SLCO5A1: variants seen among roughly 807,000 people sequenced by gnomAD.
SLCO5A1 encodes organic anion transporter polypeptide-related protein 4.
In SLCO5A1, 39 loss-of-function variants were observed where a neutral mutation model predicts 65.1. The observed-to-expected ratio is 0.60, with a 90% CI of 0.46 to 0.78. The LOEUF (loss-of-function observed/expected upper bound fraction) is 0.78. SLCO5A1 is among the 30% of genes least tolerant of loss of function. The pLI is 0.00. For missense variants in SLCO5A1, 1,029 were observed against 1,069.4 expected (o/e 0.96, Z 0.53); for synonymous variants, 438 against 415.7 (o/e 1.05, Z -0.65).
intron 2 of SLCO5A1, among the ~76,000 whole-genome samples, chr8:69,809,427 C>T (rs1820131614): frequency 6.6e-6 from 1 of 151,810 alleles, no homozygotes. Context: ...AATACAATTG[C>T]CAATGAAATG....
intron 6 of SLCO5A1, among the ~76,000 whole-genome samples, chr8:69,683,455 T>C (rs1813867769): frequency 6.6e-6 from 1 of 152,200 alleles, no homozygotes; most frequent in South Asian, 2.1e-4. Context: ...GTGGATATAT[T>C]GTGTAGTAGC....
intron 2 of SLCO5A1, among the ~76,000 whole-genome samples, chr8:69,764,726 T>C (rs927535467): frequency 3.9e-5 from 6 of 152,224 alleles, no homozygotes; most frequent in Non-Finnish European, 7.4e-5. Flanking sequence ...ACAACACTTA[T>C]GTTTCCACCT....
rs1813377387 is a variant in SLCO5A1 at position 69,672,731 on chromosome 8, T to G, written c.*138A>C. The G allele has an allele frequency of 2.2e-6, 2 of 896,452 alleles. No individual in the cohort carries two copies. The highest frequency in any genetic ancestry group is 3.6e-5 in the South Asian group (2 of 54,988). 55.5% of individuals were successfully genotyped at this position (896,452 alleles called of 1,614,324 possible). A position where few individuals can be genotyped will look rare whatever the true frequency, so the allele number is the denominator to read the frequency against. On this transcript the variant is annotated 3_prime_UTR_variant, in exon 10 of 10. Coordinates refer to ENST00000260126, the MANE Select transcript of SLCO5A1 (RefSeq NM_030958.3). ...TCCAGCCCTCAATGAATAGCGGCTGTGTATACTGAGTTTTGTTGGTTTGAG... is the reference window on the plus strand; with the variant it reads ...TCCAGCCCTCAATGAATAGCGGCTGGGTATACTGAGTTTTGTTGGTTTGAG...
chr8:69,725,093 CA>C (rs1563684968), intron 5 of SLCO5A1, among the ~76,000 whole-genome samples: 1 of 152,164 alleles, frequency 6.6e-6, no homozygotes, highest in African/African-American at 2.4e-5. Flanking sequence ...TTTAAAACTT[CA>C]AAAACCCTCT....
intron 4 of SLCO5A1, among the ~76,000 whole-genome samples, chr8:69,744,274 G>A (rs1022038822): frequency 6.6e-6 from 1 of 152,182 alleles, no homozygotes; most frequent in Non-Finnish European, 1.5e-5. Flanking sequence ...ACCACTGAGT[G>A]CGCCAGGCCT....
intron 2 of SLCO5A1, among the ~76,000 whole-genome samples, chr8:69,767,691 A>C (rs1818120525): frequency 6.6e-6 from 1 of 151,882 alleles, no homozygotes; most frequent in Non-Finnish European, 1.5e-5. Flanking sequence ...GGAGTTCGAG[A>C]CCAGCCTGAC....
intron 6 of SLCO5A1, among the ~76,000 whole-genome samples, chr8:69,683,209 C>T (rs1308113061): frequency 2.0e-5 from 3 of 152,098 alleles, no homozygotes; most frequent in East Asian, 3.9e-4. Context: ...AAAGGAAAGG[C>T]GCTCTGTACT....
In SLCO5A1 at chr8:69,832,586, G is replaced by T; in HGVS notation, c.88C>A (p.Pro30Thr). ...AAACTCTTAGACCTGAGGGTCTCCG[G>T]CTCGCACCTCTCTTGGACAGCTTCT... is the stretch of plus-strand genomic sequence containing the variant. ...TAEAVQERCEPETLRSKSLPV... is the reference protein window; with the variant it reads ...TAEAVQERCETETLRSKSLPV... The change falls in exon 2 of 10, where the codon CCG becomes ACG. Residue 30 changes from proline to threonine, a missense_variant. By Grantham distance (38) the Pro-to-Thr change is conservative. This residue lies in a region of SLCO5A1 where 647 missense variants were observed against 647.5 expected (regional missense o/e 1.00). Coordinates refer to ENST00000260126, the MANE Select transcript of SLCO5A1 (RefSeq NM_030958.3). This position sits in a 1 kb window ranked among gnomAD's most constrained non-coding sequence, Gnocchi z 4.5. 6.2e-7 allele frequency: 1 copy of T among 1,612,872 alleles called. No homozygotes were observed. Among genetic ancestry groups the T allele is most frequent in the Non-Finnish European group, 8.5e-7 (1 of 1,179,756 alleles).
At chr8:69,753,651 A>T (rs114384946) in intron 4 of SLCO5A1, among the ~76,000 whole-genome samples, 1,526 of 152,292 alleles carry the variant, frequency 0.01, 25 homozygotes, top group African/African-American at 0.035. Context: ...TATAAAACAT[A>T]TAATTTTATC....
At chr8:69,797,297 G>A (rs537989841) in intron 2 of SLCO5A1, among the ~76,000 whole-genome samples, 25 of 152,072 alleles carry the variant, frequency 1.6e-4, no homozygotes, top group South Asian at 6.2e-4. Context: ...TCTTAATCCC[G>A]TCATCTTCGT....
chr8:69,693,568 A>T (rs544454027), intron 6 of SLCO5A1, among the ~76,000 whole-genome samples: 4 of 152,296 alleles, frequency 2.6e-5, no homozygotes, highest in Admixed American at 2.6e-4. Context: ...GCAGCATTGC[A>T]TCCAGAACCA....
chr8:69,812,407 G>T (rs1820242685), intron 2 of SLCO5A1, among the ~76,000 whole-genome samples: 2 of 152,156 alleles, frequency 1.3e-5, no homozygotes, highest in South Asian at 4.1e-4. Context: ...AGTAATTGTG[G>T]ACTAGTTTGT....
intron 2 of SLCO5A1, among the ~76,000 whole-genome samples, 198 bp from the exon 3 acceptor site, chr8:69,762,073 G>C (rs1347751043): frequency 6.6e-6 from 1 of 152,148 alleles, no homozygotes; most frequent in Non-Finnish European, 1.5e-5. Context: ...TGTCCTCTTA[G>C]AGCGTAAGAA....
intron 3 of SLCO5A1, 116 bp from the exon 4 acceptor site, chr8:69,755,757 CTG>C: frequency 1.2e-6 from 1 of 818,312 alleles, no homozygotes; most frequent in South Asian, 1.9e-5. Context: ...TTGTAATCAA[CTG>C]TAAAGCAGTA....
intron 2 of SLCO5A1, among the ~76,000 whole-genome samples, chr8:69,813,584 C>T (rs1407498875): frequency 6.6e-6 from 1 of 152,146 alleles, no homozygotes; most frequent in Admixed American, 6.5e-5. Context: ...AGCAAAAGGA[C>T]TACCTAACTC....
chr8:69,792,105 C>A (rs139915458), intron 2 of SLCO5A1, among the ~76,000 whole-genome samples: 1 of 152,092 alleles, frequency 6.6e-6, no homozygotes, highest in East Asian at 1.9e-4. Flanking sequence ...ATGTAAGCAC[C>A]CTTAGAAATA....
chr8:69,697,969 A>T (rs112698092), intron 6 of SLCO5A1, among the ~76,000 whole-genome samples: 1 of 77,434 alleles, frequency 1.3e-5, no homozygotes, highest in Non-Finnish European at 3.1e-5. Flanking sequence ...TCACTCAGGT[A>T]ATCAGCACAG....
At chr8:69,790,257 G>A (rs1586803157) in intron 2 of SLCO5A1, among the ~76,000 whole-genome samples, 3 of 151,034 alleles carry the variant, frequency 2.0e-5, no homozygotes, top group African/African-American at 7.3e-5. Flanking sequence ...AATGCTTGAA[G>A]GGATGTATAC....
chr8:69,726,496 C>CCTTT lies in SLCO5A1; in HGVS notation c.1423+11543_1423+11544insAAAG, dbSNP rs71275007. Among the ~76,000 whole-genome samples, 170 of 114,994 alleles carry CCTTT rather than the reference C, an allele frequency of 1.5e-3. 10 individuals are homozygous for CCTTT. Among genetic ancestry groups the CCTTT allele is most frequent in the Middle Eastern group, 4.6e-3 (1 of 216 alleles). The allele number at this position is 114,994 out of a possible 152,430, so 75.4% of individuals were successfully genotyped here. On this transcript the variant is annotated intron_variant, in intron 5 of 9. Transcript: ENST00000260126. Reference sequence around the variant, plus strand: ...GCTTTCTCTTTCATTTTCCTACCTCCTTTTTTTTTTTTTTTTTTGGGGGGA... The same window carrying CCTTT: ...GCTTTCTCTTTCATTTTCCTACCTCCCTTTTTTTTTTTTTTTTTTTTTGGGGGGA...
Sources: gnomAD v4.1 joint callset for allele counts (sites outside exome capture counted in the v4.1 genomes callset) on GRCh38, gnomAD v4.1.1 for gene constraint, gnomAD v4.1.1 regional missense constraint, Gnocchi (gnomAD v3.1) non-coding constraint, MANE v1.5 for transcripts, NCBI Gene and HGNC (gene_info 2026-07-23, HGNC 2026-07-21) for gene names.